The following KCNH8 variants were observed in gnomAD, a reference collection of about 807,000 sequenced individuals.
KCNH8 encodes voltage-gated delayed rectifier potassium channel KCNH8.
KCNH8 carries 70 observed loss-of-function variants against 103.6 expected under a neutral mutation model. The observed-to-expected ratio is 0.68, with a 90% CI of 0.56 to 0.82. The LOEUF (loss-of-function observed/expected upper bound fraction) is 0.82, where lower values mean the gene tolerates loss of function less well. Ranked by LOEUF, KCNH8 falls within the 40% of genes least tolerant of loss-of-function variation. KCNH8 has a pLI of 0.00. For synonymous variants in KCNH8, 498 were observed against 489.4 expected (o/e 1.02, Z -0.23); for missense variants, 1,217 against 1,329.9 (o/e 0.92, Z 1.32).
At chr3:19,206,168 G>GTGTGTGTGTGTGTGTATATA (rs979868166) in intron 1 of KCNH8, among the ~76,000 whole-genome samples, 5 of 139,260 alleles carry the variant, frequency 3.6e-5, no homozygotes, top group African/African-American at 1.4e-4. Flanking sequence ...TGGTGTGTGT[G>GTGTGTGTGTGTGTGTATATA]TATATATATA....
intron 2 of KCNH8, among the ~76,000 whole-genome samples, chr3:19,270,403 G>T (rs1057150786): frequency 4.6e-5 from 7 of 152,052 alleles, no homozygotes; most frequent in African/African-American, 1.7e-4. Flanking sequence ...TTTTTCTGTT[G>T]TAGGAAAATG....
intron 1 of KCNH8, among the ~76,000 whole-genome samples, chr3:19,193,705 G>T (rs2063574360): frequency 1.3e-5 from 2 of 151,734 alleles, no homozygotes; most frequent in Non-Finnish European, 3.0e-5. Flanking sequence ...GTTGTCTTAA[G>T]TACTGAGTAT....
At chr3:19,512,097 A>G (rs2068792897) in intron 12 of KCNH8, among the ~76,000 whole-genome samples, 2 of 152,346 alleles carry the variant, frequency 1.3e-5, no homozygotes, top group African/African-American at 4.8e-5. Context: ...CAAAAAAGAC[A>G]GAAGCACAGA....
At chr3:19,364,472 A>G (rs1207359299) in intron 5 of KCNH8, among the ~76,000 whole-genome samples, 2 of 152,266 alleles carry the variant, frequency 1.3e-5, no homozygotes, top group African/African-American at 4.8e-5. Flanking sequence ...AATGGAATGT[A>G]TTATATTGAG....
At chr3:19,501,874 G>C (rs2068591303) in intron 11 of KCNH8, among the ~76,000 whole-genome samples, 1 of 152,138 alleles carries the variant, frequency 6.6e-6, no homozygotes, top group African/African-American at 2.4e-5. Context: ...ACAAGACAGG[G>C]ATGCCCTCTC....
intron 15 of KCNH8, among the ~76,000 whole-genome samples, chr3:19,524,981 G>A (rs894373705): frequency 2.0e-4 from 31 of 151,882 alleles, no homozygotes; most frequent in African/African-American, 6.8e-4. Flanking sequence ...GGAAAAGGTC[G>A]GTTGTCAGAA....
intron 10 of KCNH8, 24 bp from the exon 11 acceptor site, chr3:19,456,740 TGAAA>T: frequency 6.6e-7 from 1 of 1,515,668 alleles, no homozygotes; most frequent in Non-Finnish European, 9.1e-7. Context: ...TTTTTTTTTT[TGAAA>T]ATGATCTCTC....
At chr3:19,410,244 CA>C (rs1257469884) in intron 7 of KCNH8, among the ~76,000 whole-genome samples, 1 of 152,004 alleles carries the variant, frequency 6.6e-6, no homozygotes, top group Admixed American at 6.6e-5. Flanking sequence ...GGAGGCCTCT[CA>C]AAAACCACAC....
intron 3 of KCNH8, among the ~76,000 whole-genome samples, chr3:19,307,067 C>T (rs1042488917): frequency 2.0e-5 from 3 of 151,460 alleles, no homozygotes; most frequent in Admixed American, 1.3e-4. Flanking sequence ...AACGAATCCA[C>T]ATATCTACAG....
intron 3 of KCNH8, among the ~76,000 whole-genome samples, chr3:19,297,257 T>C (rs2065008472): frequency 1.3e-5 from 2 of 152,222 alleles, no homozygotes; most frequent in Non-Finnish European, 2.9e-5. Flanking sequence ...CCCGATTTGA[T>C]TTTTTAAGTA....
chr3:19,281,050 G>T, intron 2 of KCNH8, 148 bp from the exon 3 acceptor site: 1 of 720,410 alleles, frequency 1.4e-6, no homozygotes, highest in Non-Finnish European at 2.3e-6. Flanking sequence ...GAAATTTATG[G>T]AACCTGAAAA....
rs774936776 is a variant in KCNH8, at chr3:19,534,007, G to GCAT, written c.3235_3237dup (p.Ser1079dup). 6.2e-7 allele frequency: 1 copy of GCAT among 1,614,150 alleles called. No homozygotes were observed. Among genetic ancestry groups the GCAT allele is most frequent in the South Asian group, 1.1e-5 (1 of 91,086 alleles). On this transcript the variant is annotated inframe_insertion, in exon 16 of 16. Transcript: ENST00000328405. ...AGGATCTTGGAACCAGGAAGGAATG[G>GCAT]CATCAGCTTCTACAAAACCTTTGGA...
intron 3 of KCNH8, among the ~76,000 whole-genome samples, chr3:19,320,529 C>T (rs936472908): frequency 7.9e-5 from 12 of 151,906 alleles, no homozygotes; most frequent in Non-Finnish European, 1.2e-4. Context: ...GTATGAAACC[C>T]ACTTGGTCAT....
At chr3:19,267,780 A>G (rs1392525347) in intron 2 of KCNH8, among the ~76,000 whole-genome samples, 1 of 152,184 alleles carries the variant, frequency 6.6e-6, no homozygotes, top group African/African-American at 2.4e-5. Flanking sequence ...CTCAGAGTCT[A>G]CATTCATATC....
intron 1 of KCNH8, among the ~76,000 whole-genome samples, chr3:19,149,970 G>C (rs2063112866): frequency 1.3e-5 from 2 of 152,192 alleles, no homozygotes; most frequent in Admixed American, 1.3e-4. Context: ...TTCAGGGATA[G>C]TTGGAAAAGT....
At chr3:19,360,909 G>A (rs2065938943) in intron 5 of KCNH8, among the ~76,000 whole-genome samples, 1 of 151,954 alleles carries the variant, frequency 6.6e-6, no homozygotes, top group Admixed American at 6.6e-5. Context: ...GGTACAAGTG[G>A]ACATAGAATA....
rs1056518291 is a variant in KCNH8, at chr3:19,500,905, A to C, written c.2041-9458A>C. ...AGCAAACACATTCAAAAGCTAGCAG[A>C]AGGCAAGAAATAACTAAGATCAGAG... On this transcript the variant is annotated intron_variant, in intron 11 of 15. Transcript: ENST00000328405. Among the ~76,000 whole-genome samples, 3 of 152,208 alleles carry C rather than the reference A, an allele frequency of 2.0e-5. No individual in the cohort carries two copies. In the South Asian group the frequency reaches 6.2e-4, roughly 32 times the overall value.
chr3:19,188,882 G>C (rs142923708), intron 1 of KCNH8, among the ~76,000 whole-genome samples: 2 of 151,834 alleles, frequency 1.3e-5, no homozygotes, highest in African/African-American at 2.4e-5. Context: ...GGGTTCAGGC[G>C]ATCCTCCCAC....
chr3:19,337,231 C>T (rs1163435111), intron 3 of KCNH8, among the ~76,000 whole-genome samples: 1 of 151,606 alleles, frequency 6.6e-6, no homozygotes, highest in Non-Finnish European at 1.5e-5. Flanking sequence ...CTTTTTTTTC[C>T]CTTTCAGTTA....
Sources: allele counts gnomAD v4.1 joint callset (sites outside exome capture counted in the v4.1 genomes callset), GRCh38; gene constraint gnomAD v4.1.1; transcripts MANE v1.5; gene names NCBI Gene and HGNC (gene_info 2026-07-23, HGNC 2026-07-21).